The following PRPF40B variants were observed in gnomAD, a reference collection of about 807,000 sequenced individuals.
PRPF40B encodes pre-mRNA processing factor 40B, also known as pre-mRNA-processing factor 40 homolog B.
PRPF40B carries 56 observed loss-of-function variants against 124.5 expected under a neutral mutation model. That is an observed-to-expected ratio of 0.45 (90% CI 0.36 to 0.56). The LOEUF is 0.56. PRPF40B is among the 20% of genes least tolerant of loss of function. PRPF40B has a pLI of 0.00. For missense variants in PRPF40B, 1,053 were observed against 1,169.5 expected (o/e 0.90, Z 1.45); for synonymous variants, 443 against 426.4 (o/e 1.04, Z -0.48).
At chr12:49,637,226 C>A (rs573954150) in intron 16 of PRPF40B, 73 of 575,694 alleles carry the variant, frequency 1.3e-4, no homozygotes, top group Non-Finnish European at 2.0e-4. Flanking sequence ...GTTTCTGTTT[C>A]TTTGCATCCC....
chr12:49,642,496 C>G lies in PRPF40B; in HGVS notation c.2023-84C>G. On this transcript the variant is annotated intron_variant, in intron 20 of 25. Coordinates refer to ENST00000548825, the MANE Select transcript of PRPF40B (RefSeq NM_001031698.3). This position sits in a 1 kb window ranked among gnomAD's most constrained non-coding sequence, Gnocchi z 5.8. ...GCTCCAGTTCCCTTCCTTTCTCTGCCCCAGCCCTGCCCTGTGCTCATGGCG... is the reference window on the plus strand; with the variant it reads ...GCTCCAGTTCCCTTCCTTTCTCTGCGCCAGCCCTGCCCTGTGCTCATGGCG... 1 of 1,578,966 alleles carries G rather than the reference C, an allele frequency of 6.3e-7. No individual in the cohort carries two copies. The highest frequency in any genetic ancestry group is 1.1e-5 in the South Asian group (1 of 89,648).
At chr12:49,634,658 C>T in intron 12 of PRPF40B, 56 bp downstream of exon 12, 1 of 1,604,824 alleles carries the variant, frequency 6.2e-7, no homozygotes, top group Non-Finnish European at 8.5e-7. Flanking sequence ...GTGCTAGGGA[C>T]TCCCTAAAAA....
At chr12:49,626,181 G>T (rs763670353) in intron 1 of PRPF40B, among the ~76,000 whole-genome samples, 3 of 152,208 alleles carry the variant, frequency 2.0e-5, no homozygotes, top group Non-Finnish European at 4.4e-5. Flanking sequence ...ATATGCACAC[G>T]TGTATACACT....
rs1444506902 is a variant in PRPF40B, at chr12:49,643,752, G to A, written c.2442G>A (p.Ser814=). ...AAACTAAGAAGAGAAGACACAAGTC[G>A]GTGAGTGAAGGAACTTCTACCTAAG... ...KKKTKKRRHK[S]NSPESETDPE... is the part of the protein sequence containing the mutation. Residue 814 remains serine, a splice_region_variant and synonymous_variant, in exon 24 of 26, where the codon TCG becomes TCA. Transcript: ENST00000548825. The A allele has an allele frequency of 2.5e-6, 4 of 1,614,048 alleles. No individual in the cohort carries two copies. The highest frequency in any genetic ancestry group is 2.2e-5 in the East Asian group (1 of 44,892).
chr12:49,636,829 A>G lies in PRPF40B; in HGVS notation c.1540A>G (p.Lys514Glu). 2 of 1,614,062 alleles carry G rather than the reference A, an allele frequency of 1.2e-6. No homozygotes were observed. Among genetic ancestry groups the G allele is most frequent in the Non-Finnish European group, 1.7e-6 (2 of 1,180,038 alleles). The change falls in exon 16 of 26, where the codon AAG becomes GAG. Residue 514 changes from lysine to glutamate, a missense_variant. By Grantham distance (56) the Lys-to-Glu change is moderately conservative (BLOSUM62 1). Coordinates refer to ENST00000548825, the MANE Select transcript of PRPF40B (RefSeq NM_001031698.3). ...GCTTCGGGAGCGACGCCAACAACGC[A>G]AGAATCGGGAGGCCTTCCAGGTATC... The part of the protein sequence containing the change: ...ARLRERRQQR[K>E]NREAFQTFLD...
intron 1 of PRPF40B, among the ~76,000 whole-genome samples, chr12:49,624,563 A>C (rs565767619): frequency 6.6e-6 from 1 of 152,326 alleles, no homozygotes; most frequent in East Asian, 1.9e-4. Flanking sequence ...GAAAGAAGCA[A>C]CAGGGGCCGG....
intron 18 of PRPF40B, chr12:49,638,043 T>A: frequency 1.8e-6 from 1 of 542,348 alleles, no homozygotes; most frequent in Non-Finnish European, 3.3e-6. Context: ...AGAACTGTTA[T>A]ACAAAGGGGC....
chr12:49,642,215 C>G lies in PRPF40B; in HGVS notation c.1885-20C>G. ...TCCACCCTCCTGGGTGACCCTGTTC[C>G]GTGTCCCTTCTTTCCTCAGCTGCTG... On this transcript the variant is annotated intron_variant, in intron 19 of 25. Coordinates refer to ENST00000548825, the MANE Select transcript of PRPF40B (RefSeq NM_001031698.3). The surrounding 1 kb of genome is among the most constrained non-coding windows in gnomAD (Gnocchi z 5.8). 2 of 1,614,084 alleles carry G rather than the reference C, an allele frequency of 1.2e-6. No individual in the cohort carries two copies. The highest frequency in any genetic ancestry group is 1.7e-6 in the Non-Finnish European group (2 of 1,179,992).
At chr12:49,637,998 A>G (rs2138562980) in intron 18 of PRPF40B, 174 bp downstream of exon 18, 1 of 595,560 alleles carries the variant, frequency 1.7e-6, no homozygotes, top group East Asian at 2.8e-5. Context: ...AATTTCTACC[A>G]CAGGAGCTCA....
chr12:49,630,626 G>A lies in PRPF40B; in HGVS notation c.84+1G>A, dbSNP rs1401395138. The A allele has an allele frequency of 1.5e-6, 2 of 1,305,322 alleles. No homozygotes were observed. Among genetic ancestry groups the A allele is most frequent in the Non-Finnish European group, 2.2e-6 (2 of 900,430 alleles). The allele number at this position is 1,305,322 out of a possible 1,614,324, so 80.9% of individuals were successfully genotyped here. A position where few individuals can be genotyped will look rare whatever the true frequency, so the allele number is the denominator to read the frequency against. ...GCCCCCCATGATGCCACCACCCTTC[G>A]TAAGTTTTATGTCTTTCCCTGGGCT... On this transcript the variant is annotated splice_donor_variant, in intron 2 of 25. Transcript: ENST00000548825. LOFTEE classifies it high-confidence loss of function.
intron 16 of PRPF40B, 116 bp downstream of exon 16, chr12:49,636,965 T>C (rs1256428918): frequency 1.1e-5 from 16 of 1,481,648 alleles, no homozygotes; most frequent in Admixed American, 1.9e-5. Context: ...CCTAGCCCTG[T>C]CCAAGCTCTA....
At chr12:49,625,500 TTC>T (rs1254717106) in intron 1 of PRPF40B, among the ~76,000 whole-genome samples, 6 of 152,086 alleles carry the variant, frequency 3.9e-5, no homozygotes, top group East Asian at 3.9e-4. Context: ...CATTCCCTCT[TTC>T]TGTTTTTTTT....
Position 49,637,749 on chromosome 12 carries a change from C to A in PRPF40B, c.1692C>A (p.Asp564Glu). ...TCCTTACAGGCTCCACCCCTCTGGACTTATTCAAGTTCTATGTGGAGGAGT... is the reference window on the plus strand; with the variant it reads ...TCCTTACAGGCTCCACCCCTCTGGAATTATTCAAGTTCTATGTGGAGGAGT... ...MLGQPGSTPL[D>E]LFKFYVEELK... Residue 564 changes from aspartate (D) to glutamate (E), a missense_variant, in exon 18 of 26, where the codon GAC becomes GAA. Around this residue, in one of 2 missense-constraint regions of PRPF40B, gnomAD observed 895 missense variants for 1,052.2 expected, o/e 0.85. Coordinates refer to ENST00000548825, the MANE Select transcript of PRPF40B (RefSeq NM_001031698.3). The A allele has an allele frequency of 6.2e-7, 1 of 1,608,262 alleles. No individual in the cohort carries two copies. Among genetic ancestry groups the A allele is most frequent in the Non-Finnish European group, 8.5e-7 (1 of 1,175,866 alleles).
intron 1 of PRPF40B, chr12:49,624,046 G>A: frequency 2.0e-6 from 2 of 993,688 alleles, no homozygotes; most frequent in Non-Finnish European, 2.4e-6. Flanking sequence ...CAGACCACTT[G>A]GGGACTCCCT....
chr12:49,625,337 C>T (rs903077615), intron 1 of PRPF40B, among the ~76,000 whole-genome samples: 8 of 152,180 alleles, frequency 5.3e-5, no homozygotes, highest in Non-Finnish European at 7.3e-5. Flanking sequence ...TGTCTTGGAA[C>T]CTTGGTCAGG....
In PRPF40B at chr12:49,643,972, C is replaced by A. The variant is rs554273973; in HGVS notation, c.2554C>A (p.Arg852Ser). The A allele has an allele frequency of 1.2e-6, 2 of 1,614,198 alleles. No individual in the cohort carries two copies. Among genetic ancestry groups the A allele is most frequent in the Non-Finnish European group, 1.7e-6 (2 of 1,180,032 alleles). Residue 852 changes from arginine to serine, a missense_variant, in exon 25 of 26, where the codon CGT becomes AGT. Arg to Ser is a moderately radical substitution (Grantham distance 110). Coordinates refer to ENST00000548825, the MANE Select transcript of PRPF40B (RefSeq NM_001031698.3). ...GCTCCAACAGGCAGAGCTCCCTAAC[C>A]GTTCCCCAGGCTTTGGAATCAAGAA... is the stretch of plus-strand genomic sequence containing the variant. ...RELQQAELPNRSPGFGIKKEK... is the reference protein window; with the variant it reads ...RELQQAELPNSSPGFGIKKEK...
rs1941378961 is a variant in PRPF40B at position 49,632,995 on chromosome 12, TG to T, written c.349-18del. 8 of 1,366,272 alleles carry T rather than the reference TG, an allele frequency of 5.9e-6. No individual in the cohort carries two copies. Among genetic ancestry groups the T allele is most frequent in the Non-Finnish European group, 8.2e-6 (8 of 979,584 alleles). 84.6% of individuals were successfully genotyped at this position (1,366,272 alleles called of 1,614,324 possible). ...AAAAGGGGCCTTGACCACCATTCTG[TG>T]CCCCCCCCCCCACCCAGAGGGCCCT... On this transcript the variant is annotated intron_variant, in intron 6 of 25. Transcript: ENST00000548825.
In PRPF40B at chr12:49,635,449, C is replaced by T. The variant is rs1941680987; in HGVS notation, c.1251C>T (p.Leu417=). The stretch of plus-strand genomic sequence containing the variant: ...GAAAAGAGGTTTATGATGATGTCCT[C>T]TTCTTCCTGGCCAAGAAGGAGAAGG... ...RDRKEVYDDV[L]FFLAKKEKEQ... Residue 417 remains leucine (L), a synonymous_variant, in exon 14 of 26, where the codon CTC becomes CTT. Coordinates refer to ENST00000548825, the MANE Select transcript of PRPF40B (RefSeq NM_001031698.3). The surrounding 1 kb of genome is among the most constrained non-coding windows in gnomAD (Gnocchi z 4.1). 6.2e-7 allele frequency: 1 copy of T among 1,613,878 alleles called. No homozygotes were observed. Among genetic ancestry groups the T allele is most frequent in the Non-Finnish European group, 8.5e-7 (1 of 1,179,932 alleles).
chr12:49,643,551 A>G, intron 23 of PRPF40B, 140 bp from the exon 24 acceptor site: 1 of 1,358,654 alleles, frequency 7.4e-7, no homozygotes, highest in Non-Finnish European at 9.9e-7. Context: ...CCAAGCAAGA[A>G]GCTGGAGAAG....
Sources: gnomAD v4.1 joint callset for allele counts (sites outside exome capture counted in the v4.1 genomes callset) on GRCh38, gnomAD v4.1.1 for gene constraint, gnomAD v4.1.1 regional missense constraint, Gnocchi (gnomAD v3.1) non-coding constraint, MANE v1.5 for transcripts, NCBI Gene and HGNC (gene_info 2026-07-23, HGNC 2026-07-21) for gene names.